SUSD1: variants seen among roughly 807,000 people sequenced by gnomAD.
SUSD1 encodes sushi domain containing 1.
Under a neutral mutation model 86.9 loss-of-function variants are expected in SUSD1, and 65 were observed. The observed-to-expected ratio is 0.75, with a 90% confidence interval of 0.61 to 0.92. SUSD1 has a LOEUF of 0.92. SUSD1 is among the 40% of genes least tolerant of loss of function. The probability of loss-of-function intolerance (pLI) is 0.00; values close to 1 mark genes in which losing one functional copy is unlikely to be tolerated. For missense variants in SUSD1, 850 were observed against 929.7 expected (o/e 0.91, Z 1.11); for synonymous variants, 346 against 350.0 (o/e 0.99, Z 0.13).
intron 1 of SUSD1, among the ~76,000 whole-genome samples, chr9:112,169,041 G>A (rs376465972): frequency 2.0e-5 from 3 of 152,042 alleles, no homozygotes; most frequent in East Asian, 3.9e-4. Context: ...TTGCTCTTAA[G>A]AGATTGCACC....
intron 10 of SUSD1, among the ~76,000 whole-genome samples, chr9:112,097,000 G>T (rs990025312): frequency 4.8e-5 from 7 of 146,668 alleles, no homozygotes; most frequent in African/African-American, 1.8e-4. Context: ...GACAGGACAA[G>T]GTGCCAGGCT....
At chr9:112,100,505 T>A (rs546883109) in intron 9 of SUSD1, among the ~76,000 whole-genome samples, 1 of 152,050 alleles carries the variant, frequency 6.6e-6, no homozygotes, top group South Asian at 2.1e-4. Context: ...TTACTTTCTA[T>A]GACTCAGTAT....
intron 8 of SUSD1, among the ~76,000 whole-genome samples, chr9:112,106,943 C>G (rs1441089274): frequency 2.0e-5 from 3 of 151,000 alleles, no homozygotes; most frequent in Non-Finnish European, 4.4e-5. Flanking sequence ...AAAAAGAAAA[C>G]AAAAGACACA....
intron 8 of SUSD1, chr9:112,104,701 T>C (rs530171141): frequency 2.0e-5 from 3 of 152,314 alleles, no homozygotes; most frequent in Non-Finnish European, 2.9e-5. Flanking sequence ...AAATCCTTCA[T>C]ACTGAGATCT....
chr9:112,099,293 A>G (rs998810496), intron 9 of SUSD1, among the ~76,000 whole-genome samples: 2 of 152,168 alleles, frequency 1.3e-5, no homozygotes, highest in African/African-American at 4.8e-5. Flanking sequence ...AGCCCACCTC[A>G]GCCTCCCAAA....
intron 14 of SUSD1, among the ~76,000 whole-genome samples, 191 bp from the exon 15 acceptor site, chr9:112,052,629 T>G (rs1272590619): frequency 3.3e-5 from 5 of 152,140 alleles, no homozygotes; most frequent in Non-Finnish European, 5.9e-5. Flanking sequence ...GTGGGTTGCA[T>G]GGACAGAAGT....
In SUSD1 at chr9:112,113,845, T is replaced by C. The variant is rs1463056793; in HGVS notation, c.887-977A>G. 6.6e-6 allele frequency among the ~76,000 whole-genome samples: 1 copy of C among 152,020 alleles called. No individual in the cohort carries two copies. The highest frequency in any genetic ancestry group is 1.5e-5 in the Non-Finnish European group (1 of 68,006). On this transcript the variant is annotated intron_variant, in intron 6 of 16. Coordinates refer to ENST00000374270, the MANE Select transcript of SUSD1 (RefSeq NM_022486.5). This position sits in a 1 kb window ranked among gnomAD's most constrained non-coding sequence, Gnocchi z 4.1. ...TACCTGGGAGGCTGAGGCAGGAGAA[T>C]CACTTGAACCTGGGAGGCAGAGGTT...
chr9:112,070,722 C>CA (rs149334379), intron 12 of SUSD1, among the ~76,000 whole-genome samples: 19,130 of 149,300 alleles, frequency 0.13, 1,264 homozygotes, highest in East Asian at 0.23. Flanking sequence ...ATTTGCTCTG[C>CA]AAAAAAAAAT....
intron 5 of SUSD1, among the ~76,000 whole-genome samples, chr9:112,139,431 ACC>A (rs1156325517): frequency 6.6e-6 from 1 of 152,080 alleles, no homozygotes; most frequent in Non-Finnish European, 1.5e-5. Flanking sequence ...TAACAATATA[ACC>A]CACACATTAT....
chr9:112,112,731 G>A (rs767125463), intron 7 of SUSD1, 40 bp downstream of exon 7: 13 of 1,360,866 alleles, frequency 9.6e-6, no homozygotes, highest in Middle Eastern at 1.8e-4. Flanking sequence ...CATGGGTGAC[G>A]TGTCTGTCCT....
intron 8 of SUSD1, among the ~76,000 whole-genome samples, chr9:112,109,042 T>G (rs1245043514): frequency 6.6e-6 from 1 of 152,136 alleles, no homozygotes; most frequent in Admixed American, 6.5e-5. Flanking sequence ...CCAGAGGAGA[T>G]GTAAGCAAAT....
At chr9:112,152,583 T>C (rs1833103422) in intron 2 of SUSD1, among the ~76,000 whole-genome samples, 1 of 149,164 alleles carries the variant, frequency 6.7e-6, no homozygotes, top group African/African-American at 2.5e-5. Context: ...TTTTTTTTTT[T>C]TTTTGTACAG....
intron 8 of SUSD1, among the ~76,000 whole-genome samples, chr9:112,103,879 A>G (rs1188045520): frequency 6.6e-6 from 1 of 152,170 alleles, no homozygotes; most frequent in Non-Finnish European, 1.5e-5. Context: ...CCCATGGAAA[A>G]ATCAAGACAG....
rs149272609 is a variant in SUSD1 at position 112,098,509 on chromosome 9, G to A, written c.1435C>T (p.Arg479Trp). ...GCTATTGTTATTTGCACTGAGTGCC[G>A]CTTAGGAGATCTCAGCAGGGTCACA... The part of the protein sequence containing the change: ...VNVTLLRSPK[R>W]HSVQITIATP... Residue 479 changes from arginine (R) to tryptophan (W), a missense_variant, in exon 10 of 17, where the codon CGG (arginine) becomes TGG (tryptophan). By Grantham distance (101) the Arg-to-Trp change is moderately radical. Coordinates refer to ENST00000374270, the MANE Select transcript of SUSD1 (RefSeq NM_022486.5). 73 of 1,614,108 alleles carry A rather than the reference G, an allele frequency of 4.5e-5. No individual in the cohort carries two copies. Among genetic ancestry groups the A allele is most frequent in the South Asian group, 3.6e-4 (33 of 91,076 alleles).
intron 3 of SUSD1, 21 bp from the exon 4 acceptor site, chr9:112,143,644 G>C (rs761018107): frequency 6.4e-7 from 1 of 1,554,266 alleles, no homozygotes; most frequent in Admixed American, 2.1e-5. Context: ...AATCCAAATA[G>C]AGAAAAGGAG....
chr9:112,078,618 G>C lies in SUSD1; in HGVS notation c.1673C>G (p.Pro558Arg). ...RDPEVCLDLR[P>R]GTNYNVSLRA... ...GAGACTGACATTGTAGTTGGTACCC[G>C]GACGTAGGTCCAAGCACACCTCGGG... is the stretch of plus-strand genomic sequence containing the variant. Residue 558 changes from proline (P) to arginine (R), a missense_variant, in exon 12 of 17, where the codon CCG becomes CGG. By Grantham distance (103) the Pro-to-Arg change is moderately radical. Coordinates refer to ENST00000374270, the MANE Select transcript of SUSD1 (RefSeq NM_022486.5). 2 of 1,614,046 alleles carry C rather than the reference G, an allele frequency of 1.2e-6. No individual in the cohort carries two copies. Among genetic ancestry groups the C allele is most frequent in the Non-Finnish European group, 1.7e-6 (2 of 1,179,964 alleles).
At chr9:112,069,978 A>G (rs1829187444) in intron 12 of SUSD1, among the ~76,000 whole-genome samples, 1 of 151,634 alleles carries the variant, frequency 6.6e-6, no homozygotes. Flanking sequence ...CCTGCCCTAT[A>G]TTTTATTTTA....
intron 5 of SUSD1, among the ~76,000 whole-genome samples, chr9:112,136,672 T>C (rs1282197839): frequency 1.3e-5 from 2 of 152,226 alleles, no homozygotes; most frequent in African/African-American, 4.8e-5. Context: ...CTGTGCTAAG[T>C]CTGGATGTGG....
At chr9:112,132,038 T>C (rs1832056324) in intron 5 of SUSD1, among the ~76,000 whole-genome samples, 1 of 152,222 alleles carries the variant, frequency 6.6e-6, no homozygotes, top group African/African-American at 2.4e-5. Flanking sequence ...CTAGCTTTGA[T>C]ATTCTACCAA....
Sources: allele counts gnomAD v4.1 joint callset (sites outside exome capture counted in the v4.1 genomes callset), GRCh38; gene constraint gnomAD v4.1.1; non-coding constraint Gnocchi (gnomAD v3.1); transcripts MANE v1.5; gene names NCBI Gene and HGNC (gene_info 2026-07-23, HGNC 2026-07-21).